HDAC3: variants seen among roughly 807,000 people sequenced by gnomAD.
HDAC3 encodes histone deacetylase 3, also known as SMAP45.
HDAC3 carries 21 observed loss-of-function variants against 62.3 expected under a neutral mutation model. The observed-to-expected ratio is 0.34, with a 90% CI of 0.24 to 0.49. HDAC3 has a LOEUF of 0.49. Among genes scored for constraint, HDAC3 ranks in the 20% least tolerant of loss-of-function variants. The pLI, the probability that HDAC3 is intolerant of heterozygous loss-of-function variation, is 0.99. For missense variants in HDAC3, 270 were observed against 556.9 expected (o/e 0.48, Z 5.19); for synonymous variants, 198 against 206.5 (o/e 0.96, Z 0.35).
chr5:141,625,477 C>T lies in HDAC3; in HGVS notation c.1060-112G>A. The T allele has an allele frequency of 7.8e-7, 1 of 1,277,126 alleles. No homozygotes were observed. Among genetic ancestry groups the T allele is most frequent in the Non-Finnish European group, 1.1e-6 (1 of 885,970 alleles). The allele number at this position is 1,277,126 out of a possible 1,614,324, so 79.1% of individuals were successfully genotyped here. ...ACTGGTTTTCATCTCAGTGGTACCT[C>T]TAGTTCAGGTCCCCCAACTGATAGC... On this transcript the variant is annotated intron_variant, in intron 13 of 14. Coordinates refer to ENST00000305264, the MANE Select transcript of HDAC3 (RefSeq NM_003883.4). The surrounding 1 kb of genome is among the most constrained non-coding windows in gnomAD (Gnocchi z 4.0).
chr5:141,636,443 T>C (rs1378781332), intron 2 of HDAC3, 105 bp downstream of exon 2: 3 of 978,492 alleles, frequency 3.1e-6, no homozygotes, highest in Non-Finnish European at 4.9e-6. Context: ...AGCTCCCCGA[T>C]ACTCTAGGGG....
rs796277693 is a variant in HDAC3 at position 141,626,736 on chromosome 5, C to T, written c.831-453G>A. On this transcript the variant is annotated intron_variant, in intron 10 of 14. Transcript: ENST00000305264. The surrounding 1 kb of genome is among the most constrained non-coding windows in gnomAD (Gnocchi z 4.6). ...CCAGCCTGGGTGACAGAGCAAGACT[C>T]CATCTCAAAAAAGAAAAAAAAAAAC... is the stretch of plus-strand genomic sequence containing the variant. Among the ~76,000 whole-genome samples, 6 of 150,414 alleles carry T rather than the reference C, an allele frequency of 4.0e-5. No individual in the cohort carries two copies. Among genetic ancestry groups the T allele is most frequent in the African/African-American group, 1.5e-4 (6 of 40,810 alleles).
intron 14 of HDAC3, among the ~76,000 whole-genome samples, chr5:141,624,554 C>A (rs1393180844): frequency 1.1e-4 from 13 of 120,666 alleles, no homozygotes; most frequent in Admixed American, 3.5e-4. Context: ...GAGACCCTGT[C>A]TCAAAAAAAA....
intron 2 of HDAC3, 78 bp downstream of exon 2, chr5:141,636,470 C>A (rs776361278): frequency 1.5e-6 from 2 of 1,312,292 alleles, no homozygotes; most frequent in Non-Finnish European, 1.1e-6. Flanking sequence ...GCACTTCATG[C>A]ACTCAGTCCA....
chr5:141,623,924 C>CTT (rs2099904044), intron 14 of HDAC3, among the ~76,000 whole-genome samples: 1 of 151,894 alleles, frequency 6.6e-6, no homozygotes, highest in African/African-American at 2.4e-5. Context: ...GTTCTGTTGT[C>CTT]TTTCCCTTTC....
Position 141,621,369 on chromosome 5 carries a change from C to T in HDAC3, c.*99G>A. ...CTCTTTCCCAGAGTCAGCAAAAGCC[C>T]TGGGGTGACCCCCAGGACTCTAGGA... On this transcript the variant is annotated 3_prime_UTR_variant, in exon 15 of 15. Transcript: ENST00000305264. 2.7e-6 allele frequency: 3 copies of T among 1,107,644 alleles called. No homozygotes were observed. The highest frequency in any genetic ancestry group is 4.1e-6 in the Non-Finnish European group (3 of 726,602). The allele number at this position is 1,107,644 out of a possible 1,614,324, so 68.6% of individuals were successfully genotyped here.
rs2084293722 is a variant in HDAC3 at position 141,625,100 on chromosome 5, A to G, written c.1217+108T>C. 1 of 973,340 alleles carries G rather than the reference A, an allele frequency of 1.0e-6. No homozygotes were observed. The highest frequency in any genetic ancestry group is 1.5e-6 in the Non-Finnish European group (1 of 658,976). The allele number at this position is 973,340 out of a possible 1,614,324, so 60.3% of individuals were successfully genotyped here. ...GAGTGAGGAAATTGTAGCAGACTAA[A>G]GGAGGTAAGCCAGAGGCAATTAAAC... On this transcript the variant is annotated intron_variant, in intron 14 of 14. Coordinates refer to ENST00000305264, the MANE Select transcript of HDAC3 (RefSeq NM_003883.4). This position sits in a 1 kb window ranked among gnomAD's most constrained non-coding sequence, Gnocchi z 4.0.
chr5:141,635,096 G>C (rs2099905759), intron 2 of HDAC3, 143 bp from the exon 3 acceptor site: 6 of 761,970 alleles, frequency 7.9e-6, no homozygotes, highest in Middle Eastern at 8.1e-4. Context: ...AGTCAGTAGA[G>C]AGACTCCGAT....
At position 141,634,795 on chromosome 5, in the gene HDAC3, C is replaced by G; in HGVS notation, c.281+16G>C. On this transcript the variant is annotated intron_variant, in intron 3 of 14. Transcript: ENST00000305264. ...CATTAAACTGTTAGACATCAAAACT[C>G]CCAGTCCTCCCTCACCAGTCATCGC... is the stretch of plus-strand genomic sequence containing the variant. 6.2e-7 allele frequency: 1 copy of G among 1,612,288 alleles called. No homozygotes were observed. The highest frequency in any genetic ancestry group is 8.5e-7 in the Non-Finnish European group (1 of 1,178,962).
In HDAC3 at chr5:141,629,875, A is replaced by G. The variant is rs1390251186; in HGVS notation, c.405T>C (p.His135=). 2 of 1,614,026 alleles carry G rather than the reference A, an allele frequency of 1.2e-6. No homozygotes were observed. The highest frequency in any genetic ancestry group is 1.1e-5 in the South Asian group (1 of 91,084). The change falls in exon 5 of 15, where the codon CAT becomes CAC. Residue 135 remains histidine, a synonymous_variant. Coordinates refer to ENST00000305264, the MANE Select transcript of HDAC3 (RefSeq NM_003883.4). This position sits in a 1 kb window ranked among gnomAD's most constrained non-coding sequence, Gnocchi z 5.3. ...IAINWAGGLH[H]AKKFEASGFC... is the part of the protein sequence containing the mutation. ...CCTCACTCACCTCAAACTTCTTGGC[A>G]TGGTGCAGACCACCAGCCCAGTTAA...
In HDAC3 at chr5:141,628,859, C is replaced by CGAATGG. The variant is rs1246413243; in HGVS notation, c.611-226_611-221dup. ...GTACTAGGCAGTAGGGATGCAGCAACGAATGGAACTAATGAAATTTACGAT... is the reference window on the plus strand; with the variant it reads ...GTACTAGGCAGTAGGGATGCAGCAACGAATGGGAATGGAACTAATGAAATTTACGAT... On this transcript the variant is annotated intron_variant, in intron 7 of 14. Transcript: ENST00000305264. The surrounding 1 kb of genome is among the most constrained non-coding windows in gnomAD (Gnocchi z 4.7). Among the ~76,000 whole-genome samples the CGAATGG allele has an allele frequency of 2.0e-5, 3 of 152,116 alleles. No homozygotes were observed. The East Asian group carries it at 5.8e-4, about 29-fold the overall frequency.
chr5:141,621,051 C>T lies in HDAC3; in HGVS notation c.*417G>A, dbSNP rs567818455. The stretch of plus-strand genomic sequence containing the variant: ...AGCCCCTTCCAAATCTCTCTCTCTT[C>T]ATCTTCCCTGGAAGCAAGGGGAGGA... On this transcript the variant is annotated 3_prime_UTR_variant, in exon 15 of 15. Coordinates refer to ENST00000305264, the MANE Select transcript of HDAC3 (RefSeq NM_003883.4). 4 of 214,860 alleles carry T rather than the reference C, an allele frequency of 1.9e-5. No homozygotes were observed. In the South Asian group the frequency reaches 2.5e-4, roughly 13 times the overall value. The allele number at this position is 214,860 out of a possible 1,614,324, so 13.3% of individuals were successfully genotyped here.
chr5:141,624,279 T>C (rs111865155), intron 14 of HDAC3, among the ~76,000 whole-genome samples: 5,681 of 136,356 alleles, frequency 0.042, 151 homozygotes, highest in African/African-American at 0.072. Flanking sequence ...CTCACGCCTA[T>C]AATCCCAGCA....
chr5:141,632,116 C>G (rs969338237), intron 3 of HDAC3, among the ~76,000 whole-genome samples: 1 of 7,374 alleles, frequency 1.4e-4, no homozygotes, highest in African/African-American at 9.8e-4. Context: ...CTCCAACTCC[C>G]GGGTTCAAGC....
intron 2 of HDAC3, chr5:141,636,029 G>C (rs2099905935): frequency 6.4e-6 from 1 of 156,954 alleles, no homozygotes; most frequent in African/African-American, 2.4e-5. Flanking sequence ...AGGTATTCCA[G>C]GCTGAAAAAG....
At position 141,626,493 on chromosome 5, in the gene HDAC3, CCT is replaced by C. The variant is rs2099904435; in HGVS notation, c.831-212_831-211del. 1 of 558,076 alleles carries C rather than the reference CCT, an allele frequency of 1.8e-6. No homozygotes were observed. Among genetic ancestry groups the C allele is most frequent in the African/African-American group, 1.9e-5 (1 of 52,860 alleles). The allele number at this position is 558,076 out of a possible 1,614,324, so 34.6% of individuals were successfully genotyped here. On this transcript the variant is annotated intron_variant, in intron 10 of 14. Coordinates refer to ENST00000305264, the MANE Select transcript of HDAC3 (RefSeq NM_003883.4). This position sits in a 1 kb window ranked among gnomAD's most constrained non-coding sequence, Gnocchi z 4.6. ...AATTTTAAAATAAAGCACAGTCCCCCCTCTGTTCTGCTCAACACCCTCCCTGG... is the reference window on the plus strand; with the variant it reads ...AATTTTAAAATAAAGCACAGTCCCCCCTGTTCTGCTCAACACCCTCCCTGG...
chr5:141,628,746 C>T lies in HDAC3; in HGVS notation c.611-107G>A. 1.3e-6 allele frequency: 1 copy of T among 762,496 alleles called. No homozygotes were observed. Among genetic ancestry groups the T allele is most frequent in the East Asian group, 2.5e-5 (1 of 39,400 alleles). The allele number at this position is 762,496 out of a possible 1,614,324, so 47.2% of individuals were successfully genotyped here. A position where few individuals can be genotyped will look rare whatever the true frequency, so the allele number is the denominator to read the frequency against. ...GCCTCTCATTCCATCTATGTAGCTT[C>T]ACCATAAACTCCCTAGAGCCACTAA... On this transcript the variant is annotated intron_variant, in intron 7 of 14. Transcript: ENST00000305264. The surrounding 1 kb of genome is among the most constrained non-coding windows in gnomAD (Gnocchi z 4.7).
Position 141,636,793 on chromosome 5 carries a change from T to A in HDAC3, c.-3A>T. ...AAATAGGCCACGGTCTTGGCCATGG[T>A]GCCGGCGGGAGCAGGCCCCGCACCT... On this transcript the variant is annotated 5_prime_UTR_variant, in exon 1 of 15. Coordinates refer to ENST00000305264, the MANE Select transcript of HDAC3 (RefSeq NM_003883.4). 3.1e-6 allele frequency: 5 copies of A among 1,604,138 alleles called. No homozygotes were observed. Among genetic ancestry groups the A allele is most frequent in the Non-Finnish European group, 4.3e-6 (5 of 1,174,498 alleles).
chr5:141,622,810 C>G (rs1434485420), intron 14 of HDAC3, among the ~76,000 whole-genome samples: 1 of 151,902 alleles, frequency 6.6e-6, no homozygotes, highest in Non-Finnish European at 1.5e-5. Context: ...GCCATGTGAC[C>G]TTCAGAAAGT....
Sources: gnomAD v4.1 joint callset for allele counts (sites outside exome capture counted in the v4.1 genomes callset) on GRCh38, gnomAD v4.1.1 for gene constraint, Gnocchi (gnomAD v3.1) non-coding constraint, MANE v1.5 for transcripts, NCBI Gene and HGNC (gene_info 2026-07-23, HGNC 2026-07-21) for gene names.